Variants in ARHGAP12 observed in about 807,000 individuals in gnomAD.
ARHGAP12 encodes Rho GTPase activating protein 12, also known as rho GTPase-activating protein 12.
A neutral mutation model predicts 108.6 loss-of-function variants in ARHGAP12; 64 were observed. The ratio of observed to expected loss-of-function variants is 0.59; its 90% CI spans 0.48 to 0.73. The LOEUF (loss-of-function observed/expected upper bound fraction) is 0.73, where lower values mean the gene tolerates loss of function less well. ARHGAP12 is among the 30% of genes least tolerant of loss of function. The probability of loss-of-function intolerance (pLI) is 0.00; values close to 1 mark genes in which losing one functional copy is unlikely to be tolerated. For synonymous variants in ARHGAP12, 312 were observed against 337.2 expected (o/e 0.93, Z 0.82); for missense variants, 940 against 1,005.9 (o/e 0.93, Z 0.89).
intron 14 of ARHGAP12, 107 bp downstream of exon 14, chr10:31,814,152 T>C (rs1224439794): frequency 4.6e-6 from 4 of 867,792 alleles, no homozygotes; most frequent in East Asian, 2.4e-5. Flanking sequence ...CACAGCCCTT[T>C]TGTAACATTG....
Position 31,852,331 on chromosome 10 carries a change from C to T in ARHGAP12, c.1170+186G>A, listed in dbSNP as rs1592289336. On this transcript the variant is annotated intron_variant, in intron 6 of 19. Transcript: ENST00000344936. ...TTCTGAATAGCAACAATCAGTATCACATAGTGAAGACACCTGTACATCTTA... is the reference window on the plus strand; with the variant it reads ...TTCTGAATAGCAACAATCAGTATCATATAGTGAAGACACCTGTACATCTTA... Among the ~76,000 whole-genome samples, 4 of 152,132 alleles carry T rather than the reference C, an allele frequency of 2.6e-5. No homozygotes were observed. The East Asian group carries it at 7.7e-4, about 29-fold the overall frequency.
chr10:31,924,572 T>C (rs781108986), intron 1 of ARHGAP12, among the ~76,000 whole-genome samples: 2 of 152,220 alleles, frequency 1.3e-5, no homozygotes, highest in Non-Finnish European at 2.9e-5. Context: ...GATCATTCTT[T>C]TTTATTGTTG....
chr10:31,905,290 CT>C (rs1334159002), intron 3 of ARHGAP12, among the ~76,000 whole-genome samples: 2 of 151,924 alleles, frequency 1.3e-5, no homozygotes, highest in African/African-American at 4.8e-5. Flanking sequence ...GAGACGAGGT[CT>C]CACTATGTCA....
At chr10:31,842,056 T>C (rs549227248) in intron 7 of ARHGAP12, among the ~76,000 whole-genome samples, 33 of 152,180 alleles carry the variant, frequency 2.2e-4, no homozygotes, top group African/African-American at 3.4e-4. Context: ...AAGCAAGAGA[T>C]TGAAAATTAA....
Position 31,807,505 on chromosome 10 carries a change from C to T in ARHGAP12, c.*153G>A, listed in dbSNP as rs572100885. ...GCAGCAAATATGAGGGCCTAACACA[C>T]ATCTCGACTCTCCCCTTCCCTTCTG... On this transcript the variant is annotated 3_prime_UTR_variant, in exon 20 of 20. Coordinates refer to ENST00000344936, the MANE Select transcript of ARHGAP12 (RefSeq NM_018287.7). 9.5e-4 allele frequency: 555 copies of T among 584,964 alleles called. 1 individual carries two copies. Among genetic ancestry groups the T allele is most frequent in the Non-Finnish European group, 1.2e-4 (42 of 356,158 alleles). 36.2% of individuals were successfully genotyped at this position (584,964 alleles called of 1,614,324 possible).
Position 31,895,789 on chromosome 10 carries a change from C to T in ARHGAP12, c.684+12383G>A, listed in dbSNP as rs541040267. ...ATGCTGCTATAAAGACACATGCACA[C>T]GTATGTTTATTGCGGCATTATTCAC... On this transcript the variant is annotated intron_variant, in intron 3 of 19. Transcript: ENST00000344936. Among the ~76,000 whole-genome samples the T allele has an allele frequency of 1.6e-4, 25 of 152,238 alleles. No individual in the cohort carries two copies. In the South Asian group the frequency reaches 4.8e-3, roughly 29 times the overall value.
At chr10:31,835,711 T>A (rs751372638) in intron 9 of ARHGAP12, among the ~76,000 whole-genome samples, 7 of 152,210 alleles carry the variant, frequency 4.6e-5, no homozygotes, top group Non-Finnish European at 7.3e-5. Context: ...AATAAGATTT[T>A]AAAAATATAG....
chr10:31,914,516 A>G (rs999049329), intron 1 of ARHGAP12, among the ~76,000 whole-genome samples: 1 of 152,214 alleles, frequency 6.6e-6, no homozygotes, highest in Non-Finnish European at 1.5e-5. Context: ...AAAAGAAGAC[A>G]CACAAAAAGC....
chr10:31,837,378 A>G (rs1836068541), intron 9 of ARHGAP12, among the ~76,000 whole-genome samples: 2 of 152,216 alleles, frequency 1.3e-5, no homozygotes, highest in African/African-American at 2.4e-5. Context: ...AATGCAAAAG[A>G]TAAGTAGATG....
In ARHGAP12 at chr10:31,807,421, C is replaced by CAA. The variant is rs1834854284; in HGVS notation, c.*235_*236dup. The CAA allele has an allele frequency of 8.2e-6, 3 of 364,204 alleles. No individual in the cohort carries two copies. The South Asian group carries it at 2.3e-4, about 28-fold the overall frequency. 22.6% of individuals were successfully genotyped at this position (364,204 alleles called of 1,614,324 possible). ...TTACTGAAATTCAGAGTATGAAATG[C>CAA]AAACATTCAGGATAAAATGAATTCA... On this transcript the variant is annotated 3_prime_UTR_variant, in exon 20 of 20. Coordinates refer to ENST00000344936, the MANE Select transcript of ARHGAP12 (RefSeq NM_018287.7).
chr10:31,882,804 C>T (rs1366816595), intron 3 of ARHGAP12, among the ~76,000 whole-genome samples: 1 of 134,698 alleles, frequency 7.4e-6, no homozygotes, highest in Non-Finnish European at 1.6e-5. Flanking sequence ...CAGAGCAAGA[C>T]TCTGTCTCTT....
chr10:31,888,722 A>C (rs958871770), intron 3 of ARHGAP12, among the ~76,000 whole-genome samples: 1 of 152,218 alleles, frequency 6.6e-6, no homozygotes, highest in African/African-American at 2.4e-5. Flanking sequence ...ACAAGGATGA[A>C]AGCAGAAAAA....
At chr10:31,865,839 C>T in intron 3 of ARHGAP12, among the ~76,000 whole-genome samples, 1 of 150,216 alleles carries the variant, frequency 6.7e-6, no homozygotes, top group Non-Finnish European at 1.5e-5. Context: ...GACCGCGACG[C>T]TGCACTCCAG....
chr10:31,888,932 C>CA (rs1244657993), intron 3 of ARHGAP12, among the ~76,000 whole-genome samples: 2 of 150,716 alleles, frequency 1.3e-5, no homozygotes, highest in East Asian at 3.9e-4. Context: ...TTTTTGGAGA[C>CA]AGAGTCTCGC....
At position 31,831,803 on chromosome 10, in the gene ARHGAP12, A is replaced by G. The variant is rs773611987; in HGVS notation, c.1387-3T>C. The G allele has an allele frequency of 1.3e-6, 2 of 1,560,346 alleles. No individual in the cohort carries two copies. The highest frequency in any genetic ancestry group is 1.8e-6 in the Non-Finnish European group (2 of 1,135,974). On this transcript the variant is annotated splice_polypyrimidine_tract_variant and splice_region_variant and intron_variant, in intron 9 of 19. Transcript: ENST00000344936. ...AATAATCCATATTTCTCTTGATCCT[A>G]TGGAACAGAGTAATACTGTTTATAC...
At chr10:31,883,704 T>C (rs952953344) in intron 3 of ARHGAP12, among the ~76,000 whole-genome samples, 2 of 151,290 alleles carry the variant, frequency 1.3e-5, no homozygotes, top group African/African-American at 4.9e-5. Context: ...TGTGACCTCA[T>C]GTAAAATACT....
chr10:31,832,064 T>C (rs1835856200), intron 9 of ARHGAP12, among the ~76,000 whole-genome samples: 1 of 152,174 alleles, frequency 6.6e-6, no homozygotes, highest in African/African-American at 2.4e-5. Flanking sequence ...TCAAATTAGA[T>C]TTCCATATGA....
intron 3 of ARHGAP12, among the ~76,000 whole-genome samples, chr10:31,879,297 A>G (rs879591915): frequency 6.6e-6 from 1 of 152,144 alleles, no homozygotes; most frequent in African/African-American, 2.4e-5. Context: ...CTGTGTTCCC[A>G]GCTACTTGGG....
At chr10:31,811,017 CCTT>C (rs931930744) in intron 15 of ARHGAP12, among the ~76,000 whole-genome samples, 3 of 152,274 alleles carry the variant, frequency 2.0e-5, no homozygotes, top group African/African-American at 7.2e-5. Context: ...CAATTTGGCT[CCTT>C]CTTATCACTC....
Sources: allele counts gnomAD v4.1 joint callset (sites outside exome capture counted in the v4.1 genomes callset), GRCh38; gene constraint gnomAD v4.1.1; transcripts MANE v1.5; gene names NCBI Gene and HGNC (gene_info 2026-07-23, HGNC 2026-07-21).